The following NBAS variants were observed in gnomAD, a reference collection of about 807,000 sequenced individuals.
The protein encoded by NBAS is NAG/BC035112 fusion.
Under a neutral mutation model 302.5 loss-of-function variants are expected in NBAS, and 219 were observed. The ratio of observed to expected loss-of-function variants is 0.72; its 90% CI spans 0.65 to 0.81. The LOEUF (loss-of-function observed/expected upper bound fraction) is 0.81. Among genes scored for constraint, NBAS ranks in the 30% least tolerant of loss-of-function variants. The pLI is 0.00. For synonymous variants in NBAS, 1,118 were observed against 1,021.6 expected, an observed-to-expected ratio of 1.09 and a Z score of -1.80; for missense variants, 2,932 against 2,841.6, an observed-to-expected ratio of 1.03 and a Z score of -0.72.
At chr2:15,225,319 T>C (rs55944123) in intron 47 of NBAS, among the ~76,000 whole-genome samples, 13,328 of 152,122 alleles carry the variant, frequency 0.088, 758 homozygotes, top group South Asian at 0.23. Context: ...TACAGAAATA[T>C]TGCGGTAACA....
chr2:15,100,009 A>C, the NBAS span, among the ~76,000 whole-genome samples: 1 of 152,228 alleles, frequency 6.6e-6, no homozygotes, highest in Non-Finnish European at 1.5e-5. Context: ...TAAAGTGCAG[A>C]TGTTTCCAGC....
In NBAS at chr2:15,330,771, TTAAAGAA is replaced by T. The variant is rs765619679; in HGVS notation, c.4180-13_4180-7del. On this transcript the variant is annotated splice_region_variant and splice_polypyrimidine_tract_variant and intron_variant, in intron 35 of 51. Transcript: ENST00000281513. ...CCTGGAACACCTACTTCATCCTGTATTAAAGAAACAAAATAGCAAGGGCAAAAATGCA... is the reference window on the plus strand; with the variant it reads ...CCTGGAACACCTACTTCATCCTGTATACAAAATAGCAAGGGCAAAAATGCA... The T allele has an allele frequency of 1.9e-5, 30 of 1,613,348 alleles. No homozygotes were observed. The South Asian group carries it at 2.6e-4, about 14-fold the overall frequency.
chr2:15,292,024 G>T (rs1265356282), intron 41 of NBAS, among the ~76,000 whole-genome samples: 2 of 152,204 alleles, frequency 1.3e-5, no homozygotes, highest in African/African-American at 4.8e-5. Flanking sequence ...AGCTGGGGTG[G>T]AGTGCAGTGG....
the NBAS span, among the ~76,000 whole-genome samples, chr2:14,933,204 T>C: frequency 6.6e-6 from 1 of 152,206 alleles, no homozygotes; most frequent in Non-Finnish European, 1.5e-5. Flanking sequence ...TGGCTGGGAC[T>C]GAGTCCCAGA....
intron 12 of NBAS, among the ~76,000 whole-genome samples, chr2:15,478,981 G>A (rs1276837379): frequency 6.6e-6 from 1 of 152,018 alleles, no homozygotes; most frequent in African/African-American, 2.4e-5. Flanking sequence ...AAAATAGTTG[G>A]GGTGCTCATT....
chr2:14,803,002 C>A, the NBAS span, among the ~76,000 whole-genome samples: 1 of 150,142 alleles, frequency 6.7e-6, no homozygotes, highest in Non-Finnish European at 1.5e-5. Context: ...AACTAACCTG[C>A]ACAATGTGCA....
the NBAS span, among the ~76,000 whole-genome samples, chr2:14,950,897 G>C: frequency 6.6e-6 from 1 of 152,184 alleles, no homozygotes; most frequent in South Asian, 2.1e-4. Context: ...GAGAATTTTA[G>C]AAGCTTTGTC....
chr2:15,465,466 T>C (rs1359391234), intron 19 of NBAS, among the ~76,000 whole-genome samples: 2 of 152,234 alleles, frequency 1.3e-5, no homozygotes, highest in African/African-American at 2.4e-5. Flanking sequence ...CCTTGTTCCT[T>C]TCTCTACCTC....
chr2:14,920,777 GCCTTC>G, the NBAS span, among the ~76,000 whole-genome samples: 1 of 152,066 alleles, frequency 6.6e-6, no homozygotes, highest in Non-Finnish European at 1.5e-5. Context: ...ACCTCTCTGA[GCCTTC>G]ATAGAATTAA....
At chr2:14,971,730 A>G in the NBAS span, among the ~76,000 whole-genome samples, 341 of 152,290 alleles carry the variant, frequency 2.2e-3, no homozygotes, top group African/African-American at 8.0e-3. Context: ...TGGGCAGTCC[A>G]CCACGGTGAC....
At position 15,275,667 on chromosome 2, in the gene NBAS, G is replaced by A. The variant is rs1413674730; in HGVS notation, c.5541C>T (p.Tyr1847=). 2 of 1,614,220 alleles carry A rather than the reference G, an allele frequency of 1.2e-6. No individual in the cohort carries two copies. Among genetic ancestry groups the A allele is most frequent in the South Asian group, 1.1e-5 (1 of 91,088 alleles). ...AGAACAACTTCTGTAACCAGATGGT[G>A]TACAGAGAGCTTGGGGAAAGCATCT... The part of the protein sequence containing the change: ...DGQMLSPSSL[Y]TIWLQKLFWT... The change falls in exon 44 of 52, where the codon TAC becomes TAT. Residue 1847 remains tyrosine, a synonymous_variant. Transcript: ENST00000281513.
chr2:15,288,507 C>T (rs990378691), intron 41 of NBAS, among the ~76,000 whole-genome samples: 1 of 152,142 alleles, frequency 6.6e-6, no homozygotes, highest in African/African-American at 2.4e-5. Flanking sequence ...GGTCCTCAGG[C>T]CTGCTAGGGG....
intron 32 of NBAS, among the ~76,000 whole-genome samples, chr2:15,364,781 C>T (rs923348173): frequency 6.6e-6 from 1 of 152,062 alleles, no homozygotes; most frequent in Non-Finnish European, 1.5e-5. Flanking sequence ...ACCCTAGCCA[C>T]GATCTGATGA....
At chr2:15,385,399 A>G (rs1675236578) in intron 28 of NBAS, among the ~76,000 whole-genome samples, 1 of 152,192 alleles carries the variant, frequency 6.6e-6, no homozygotes, top group Non-Finnish European at 1.5e-5. Flanking sequence ...GAAGCCATCA[A>G]CACTGGGGCA....
chr2:15,031,945 A>T, the NBAS span, among the ~76,000 whole-genome samples: 9 of 152,234 alleles, frequency 5.9e-5, no homozygotes, highest in African/African-American at 2.2e-4. Context: ...GTGTGCCTCT[A>T]GGTGGCCAGA....
intron 44 of NBAS, among the ~76,000 whole-genome samples, chr2:15,244,613 T>C (rs1668006954): frequency 6.6e-6 from 1 of 151,690 alleles, no homozygotes; most frequent in Non-Finnish European, 1.5e-5. Context: ...GGTGTCGGGG[T>C]GGGTGTGGGG....
the NBAS span, among the ~76,000 whole-genome samples, chr2:14,822,206 A>C: frequency 6.6e-6 from 1 of 152,212 alleles, no homozygotes; most frequent in Non-Finnish European, 1.5e-5. Flanking sequence ...CTGTCAGTTG[A>C]AAATTTGTCC....
At chr2:15,250,448 C>T (rs1251428921) in intron 44 of NBAS, among the ~76,000 whole-genome samples, 2 of 152,114 alleles carry the variant, frequency 1.3e-5, no homozygotes, top group Non-Finnish European at 2.9e-5. Context: ...GCAACAAAAG[C>T]CGAAGTAGAC....
At chr2:15,339,262 T>C (rs73197063) in intron 35 of NBAS, among the ~76,000 whole-genome samples, 1,895 of 152,264 alleles carry the variant, frequency 0.012, 36 homozygotes, top group African/African-American at 0.043. Flanking sequence ...ATGCCTACTA[T>C]GTTTAAGACC....
Sources: allele counts gnomAD v4.1 joint callset (sites outside exome capture counted in the v4.1 genomes callset), GRCh38; gene constraint gnomAD v4.1.1; transcripts MANE v1.5; gene names NCBI Gene and HGNC (gene_info 2026-07-23, HGNC 2026-07-21).